The following AP4S1 variants were observed in gnomAD, a reference collection of about 807,000 sequenced individuals.
AP4S1 encodes the protein AP-4 complex subunit sigma-1.
Under a neutral mutation model 19.8 loss-of-function variants are expected in AP4S1, and 23 were observed. The observed-to-expected ratio is 1.16, with a 90% CI of 0.84 to 1.65. The LOEUF is 1.65. Ranked by LOEUF, AP4S1 falls within the 40% of genes most tolerant of loss-of-function variation. AP4S1 has a pLI of 0.00. For missense variants in AP4S1, 166 were observed against 172.8 expected, an observed-to-expected ratio of 0.96 and a Z score of 0.22; for synonymous variants, 46 against 54.1, an observed-to-expected ratio of 0.85 and a Z score of 0.66.
chr14:31,034,827 A>G (rs1327039677), intron 1 of AP4S1, among the ~76,000 whole-genome samples: 6 of 146,678 alleles, frequency 4.1e-5, no homozygotes, highest in Non-Finnish European at 9.0e-5. Flanking sequence ...GGGTTCCACC[A>G]TATTGGCCAG....
At chr14:31,043,324 AAAAAAG>A (rs1885216680) in intron 1 of AP4S1, among the ~76,000 whole-genome samples, 1 of 152,182 alleles carries the variant, frequency 6.6e-6, no homozygotes, top group African/African-American at 2.4e-5. Context: ...ACTTTAACAG[AAAAAAG>A]AAAAAGTTTC....
chr14:31,039,117 C>T (rs947436309), intron 1 of AP4S1, among the ~76,000 whole-genome samples: 1 of 152,022 alleles, frequency 6.6e-6, no homozygotes, highest in African/African-American at 2.4e-5. Context: ...ATCCTCCCAC[C>T]GCAGCCTCCC....
chr14:31,050,279 C>T (rs543653363), intron 1 of AP4S1, among the ~76,000 whole-genome samples: 7 of 152,096 alleles, frequency 4.6e-5, no homozygotes, highest in African/African-American at 1.2e-4. Context: ...TGGTCTCGAA[C>T]GAACTCCTGA....
chr14:31,037,800 A>G (rs773127938), intron 1 of AP4S1, among the ~76,000 whole-genome samples: 3 of 152,174 alleles, frequency 2.0e-5, no homozygotes, highest in Non-Finnish European at 4.4e-5. Flanking sequence ...AAAATAAGAA[A>G]AAAATTAGCC....
rs543260116 is a variant in AP4S1, at chr14:31,074,320, G to A, written c.294+1347G>A. ...AGCCTTAGTGACAGGGCGAGACTCCGTCTCAAATAAATAAATAAATAAATA... is the reference window on the plus strand; with the variant it reads ...AGCCTTAGTGACAGGGCGAGACTCCATCTCAAATAAATAAATAAATAAATA... On this transcript the variant is annotated intron_variant, in intron 4 of 5. Transcript: ENST00000542754. Among the ~76,000 whole-genome samples, 90 of 141,628 alleles carry A rather than the reference G, an allele frequency of 6.4e-4. No individual in the cohort carries two copies. The South Asian group carries it at 0.015, about 24-fold the overall frequency. The allele number at this position is 141,628 out of a possible 152,430, so 92.9% of individuals were successfully genotyped here. A position where few individuals can be genotyped will look rare whatever the true frequency, so the allele number is the denominator to read the frequency against.
intron 2 of AP4S1, among the ~76,000 whole-genome samples, chr14:31,066,623 C>CA (rs1886732007): frequency 6.6e-6 from 1 of 152,158 alleles, no homozygotes; most frequent in Non-Finnish European, 1.5e-5. Context: ...TGCTAATAGA[C>CA]ACACCTCTTC....
rs58939187 is a variant in AP4S1, at chr14:31,036,201, A to G, written c.-72+10414A>G. Among the ~76,000 whole-genome samples the G allele has an allele frequency of 1.0e-2, 1,519 of 152,124 alleles. 21 individuals are homozygous for G. The highest frequency in any genetic ancestry group is 0.034 in the African/African-American group (1,422 of 41,488). On this transcript the variant is annotated intron_variant, in intron 1 of 5. Transcript: ENST00000542754. ...CAAAAAAGAAAAAAATAATAATTTA[A>G]TAATTTGTTCAATAGCAATAGATAA...
intron 5 of AP4S1, among the ~76,000 whole-genome samples, chr14:31,083,937 G>C (rs1437667253): frequency 2.0e-5 from 3 of 152,128 alleles, no homozygotes; most frequent in Admixed American, 1.3e-4. Flanking sequence ...GGATCTTGTC[G>C]AAGCTCAGCT....
At chr14:31,084,990 G>A (rs1887858036) in intron 5 of AP4S1, 15 of 1,552,560 alleles carry the variant, frequency 9.7e-6, no homozygotes, top group Middle Eastern at 1.8e-4. Flanking sequence ...AAACCTCCAC[G>A]GCCTTTTCAG....
At position 31,049,413 on chromosome 14, in the gene AP4S1, C is replaced by CAAAA. The variant is rs1206930739; in HGVS notation, c.-71-16700_-71-16697dup. Among the ~76,000 whole-genome samples the CAAAA allele has an allele frequency of 1.6e-3, 70 of 43,530 alleles. 2 individuals carry two copies. The highest frequency in any genetic ancestry group is 2.3e-3 in the Non-Finnish European group (59 of 25,742). The allele number at this position is 43,530 out of a possible 152,430, so 28.6% of individuals were successfully genotyped here. On this transcript the variant is annotated intron_variant, in intron 1 of 5. Coordinates refer to ENST00000542754, the MANE Select transcript of AP4S1 (RefSeq NM_001128126.3). ...TGGGTGACAGAGCAAGACTCGGTCT[C>CAAAA]AAAAAAAAAAAAAAAATATATATAT...
At chr14:31,081,509 C>G in intron 5 of AP4S1, among the ~76,000 whole-genome samples, 1 of 152,114 alleles carries the variant, frequency 6.6e-6, no homozygotes, top group Non-Finnish European at 1.5e-5. Flanking sequence ...TTGGCAGGAG[C>G]CCTCCAGGCT....
In AP4S1 at chr14:31,095,220, C is replaced by CTT. The variant is rs1356070495; in HGVS notation, c.*2188_*2189dup. 6.6e-6 allele frequency: 1 copy of CTT among 152,256 alleles called. No homozygotes were observed. The highest frequency in any genetic ancestry group is 1.9e-4 in the East Asian group (1 of 5,180). 9.4% of individuals were successfully genotyped at this position (152,256 alleles called of 1,614,324 possible). On this transcript the variant is annotated 3_prime_UTR_variant, in exon 6 of 6. Transcript: ENST00000542754. ...AAAACACAAAAACAAAACAAAAAAA[C>CTT]TTTTATAACATGTACCTAACAAAGA...
At position 31,092,998 on chromosome 14, in the gene AP4S1, C is replaced by T. The variant is rs1248829587; in HGVS notation, c.398C>T (p.Ala133Val). The change falls in exon 6 of 6, where the codon GCC (alanine) becomes GTC (valine). Residue 133 changes from alanine (A) to valine (V), a missense_variant. Transcript: ENST00000542754. ...GAAACTAACAGGGCAAGAATTCTTG[C>T]CCCTCTACTAATTCTTGATAAGATG... Reference protein sequence around the residue: ...IVETNRARILAPLLILDKMSE... With the variant: ...IVETNRARILVPLLILDKMSE... 1 of 1,548,552 alleles carries T rather than the reference C, an allele frequency of 6.5e-7. No individual in the cohort carries two copies. Among genetic ancestry groups the T allele is most frequent in the Non-Finnish European group, 8.7e-7 (1 of 1,146,538 alleles).
At position 31,083,391 on chromosome 14, in the gene AP4S1, A is replaced by T. The variant is rs180895797; in HGVS notation, c.306+2807A>T. ...AGAACTAAGTCTTTCTAGACCTGGAATATTATGTCTTTGCTCCAGGTTTGA... is the reference window on the plus strand; with the variant it reads ...AGAACTAAGTCTTTCTAGACCTGGATTATTATGTCTTTGCTCCAGGTTTGA... On this transcript the variant is annotated intron_variant, in intron 5 of 5. Transcript: ENST00000542754. 5.5e-5 allele frequency: 24 copies of T among 435,718 alleles called. No individual in the cohort carries two copies. The East Asian group carries it at 9.8e-4, about 18-fold the overall frequency. 27.0% of individuals were successfully genotyped at this position (435,718 alleles called of 1,614,324 possible). A position where few individuals can be genotyped will look rare whatever the true frequency, so the allele number is the denominator to read the frequency against.
chr14:31,035,337 A>T (rs1210480314), intron 1 of AP4S1, among the ~76,000 whole-genome samples: 1 of 150,526 alleles, frequency 6.6e-6, no homozygotes, highest in Non-Finnish European at 1.5e-5. Context: ...TGGGATTACA[A>T]GCACACGCCG....
At chr14:31,041,710 A>G (rs1384649473) in intron 1 of AP4S1, among the ~76,000 whole-genome samples, 2 of 152,240 alleles carry the variant, frequency 1.3e-5, no homozygotes, top group Non-Finnish European at 2.9e-5. Context: ...ACCACTAAGC[A>G]CAAATATTTC....
At chr14:31,077,629 CTTCCAGGTGA>C (rs150739634) in intron 4 of AP4S1, among the ~76,000 whole-genome samples, 2,342 of 152,258 alleles carry the variant, frequency 0.015, 62 homozygotes, top group African/African-American at 0.053. Context: ...TTTAAGATGA[CTTCCAGGTGA>C]TTCCAGGTGA....
chr14:31,092,571 A>C (rs72670344), intron 5 of AP4S1, among the ~76,000 whole-genome samples: 1 of 152,206 alleles, frequency 6.6e-6, no homozygotes, highest in Admixed American at 6.5e-5. Context: ...TGGGAAGACA[A>C]CACTATTTTT....
intron 1 of AP4S1, among the ~76,000 whole-genome samples, chr14:31,051,442 G>A (rs757732323): frequency 6.6e-6 from 1 of 152,036 alleles, no homozygotes; most frequent in Non-Finnish European, 1.5e-5. Flanking sequence ...AGACCGAGGC[G>A]GGCAGATCAC....
Sources: gnomAD v4.1 joint callset for allele counts (sites outside exome capture counted in the v4.1 genomes callset) on GRCh38, gnomAD v4.1.1 for gene constraint, MANE v1.5 for transcripts, NCBI Gene and HGNC (gene_info 2026-07-23, HGNC 2026-07-21) for gene names.